Variants in IL18R1 observed in about 807,000 individuals in gnomAD.
IL18R1 encodes the protein interleukin-18 receptor 1.
In IL18R1, 40 loss-of-function variants were observed where a neutral mutation model predicts 48.5. That is an observed-to-expected ratio of 0.82 (90% CI 0.64 to 1.07). The LOEUF is 1.07. Ranked by LOEUF, IL18R1 falls within the 50% of genes least tolerant of loss-of-function variation. IL18R1 has a pLI of 0.00. For synonymous variants in IL18R1, 232 were observed against 225.9 expected, an observed-to-expected ratio of 1.03 and a Z score of -0.24; for missense variants, 596 against 633.7, an observed-to-expected ratio of 0.94 and a Z score of 0.64.
chr2:102,390,036 T>A lies in IL18R1; in HGVS notation c.950-20T>A. The A allele has an allele frequency of 6.2e-7, 1 of 1,610,498 alleles. No homozygotes were observed. The highest frequency in any genetic ancestry group is 8.5e-7 in the Non-Finnish European group (1 of 1,177,456). ...AGATTTCTTGATTATTTTCTTTTCCTTTTTCCCTTTCTTTTCTAGCAGACA... is the reference window on the plus strand; with the variant it reads ...AGATTTCTTGATTATTTTCTTTTCCATTTTCCCTTTCTTTTCTAGCAGACA... On this transcript the variant is annotated intron_variant, in intron 8 of 10. Transcript: ENST00000233957.
chr2:102,372,353 C>T (rs1193919567), intron 4 of IL18R1, among the ~76,000 whole-genome samples: 1 of 152,206 alleles, frequency 6.6e-6, no homozygotes, highest in Non-Finnish European at 1.5e-5. Context: ...TAAATGATCA[C>T]AGTTTCTTCT....
intron 7 of IL18R1, among the ~76,000 whole-genome samples, chr2:102,386,267 G>C (rs1406200986): frequency 6.6e-6 from 1 of 152,190 alleles, no homozygotes; most frequent in Non-Finnish European, 1.5e-5. Flanking sequence ...TCAACCACAG[G>C]ACAACTTGAA....
intron 8 of IL18R1, 75 bp downstream of exon 8, chr2:102,387,075 T>C (rs1680275463): frequency 1.4e-6 from 2 of 1,475,088 alleles, no homozygotes; most frequent in African/African-American, 1.4e-5. Context: ...GATGGCCACT[T>C]TCTCATTTTC....
chr2:102,357,179 C>T (rs535303067), intron 1 of IL18R1, among the ~76,000 whole-genome samples: 1 of 152,168 alleles, frequency 6.6e-6, no homozygotes, highest in South Asian at 2.1e-4. Flanking sequence ...AAATATACAT[C>T]CAAAGGCTGA....
chr2:102,380,292 G>A (rs1459404615), intron 5 of IL18R1, among the ~76,000 whole-genome samples: 1 of 152,320 alleles, frequency 6.6e-6, no homozygotes, highest in Non-Finnish European at 1.5e-5. Flanking sequence ...TTGAGTGTTA[G>A]TAGACAGCAT....
rs1680934212 is a variant in IL18R1, at chr2:102,398,540, CAT to C, written c.*1657_*1658del. 2.0e-5 allele frequency: 3 copies of C among 152,174 alleles called. No homozygotes were observed. The allele number at this position is 152,174 out of a possible 1,614,324, so 9.4% of individuals were successfully genotyped here. ...GAGTAAAATAATTTAATTAATAGCTCATATTTTATGTGTGAAAACATGTTAGT... is the reference window on the plus strand; with the variant it reads ...GAGTAAAATAATTTAATTAATAGCTCATTTTATGTGTGAAAACATGTTAGT... On this transcript the variant is annotated 3_prime_UTR_variant, in exon 11 of 11. Coordinates refer to ENST00000233957, the MANE Select transcript of IL18R1 (RefSeq NM_003855.5).
chr2:102,356,386 G>C lies in IL18R1; in HGVS notation c.-43G>C, dbSNP rs1426641907. 9.1e-6 allele frequency: 9 copies of C among 984,664 alleles called. No individual in the cohort carries two copies. The highest frequency in any genetic ancestry group is 1.2e-4 in the Admixed American group (2 of 16,254). The allele number at this position is 984,664 out of a possible 1,614,324, so 61.0% of individuals were successfully genotyped here. ...CTGCCGCCCCCGCCCCAGCCTCGGG[G>C]ACGCCTCTCTGAAGGTAAGGGTGGG... is the stretch of plus-strand genomic sequence containing the variant. On this transcript the variant is annotated 5_prime_UTR_variant, in exon 1 of 11. Transcript: ENST00000233957.
chr2:102,357,016 A>G (rs2105015228), intron 1 of IL18R1, among the ~76,000 whole-genome samples: 1 of 152,326 alleles, frequency 6.6e-6, no homozygotes, highest in Admixed American at 6.5e-5. Flanking sequence ...TTCATTCTCA[A>G]GACCCTTTGC....
intron 1 of IL18R1, among the ~76,000 whole-genome samples, chr2:102,361,940 A>G (rs11465567): frequency 0.096 from 14,603 of 152,122 alleles, 762 homozygotes; most frequent in Middle Eastern, 0.31. Context: ...AGTGTAGGAG[A>G]CTGTCACTTC....
intron 3 of IL18R1, among the ~76,000 whole-genome samples, chr2:102,370,554 C>T (rs1046422374): frequency 9.2e-5 from 14 of 152,230 alleles, no homozygotes; most frequent in East Asian, 3.8e-4. Context: ...TCTCCAGTCA[C>T]GGCCAATCTT....
At position 102,397,871 on chromosome 2, in the gene IL18R1, G is replaced by A. The variant is rs1448945618; in HGVS notation, c.*985G>A. The A allele has an allele frequency of 1.3e-5, 2 of 152,156 alleles. No individual in the cohort carries two copies. The highest frequency in any genetic ancestry group is 4.8e-5 in the African/African-American group (2 of 41,396). The allele number at this position is 152,156 out of a possible 1,614,324, so 9.4% of individuals were successfully genotyped here. A position where few individuals can be genotyped will look rare whatever the true frequency, so the allele number is the denominator to read the frequency against. The stretch of plus-strand genomic sequence containing the variant: ...CTCTGGAACCTTATCCAACCTCTTG[G>A]TGCTTCAGTTTCCTCATCTGTGAAA... On this transcript the variant is annotated 3_prime_UTR_variant, in exon 11 of 11. Transcript: ENST00000233957.
intron 1 of IL18R1, among the ~76,000 whole-genome samples, chr2:102,359,530 A>C (rs954654204): frequency 2.0e-5 from 3 of 152,250 alleles, no homozygotes; most frequent in African/African-American, 7.2e-5. Context: ...CATAAACATG[A>C]AAATAAAATG....
In IL18R1 at chr2:102,356,260, C is replaced by T. The variant is rs1378492977; in HGVS notation, c.-169C>T. 4.0e-6 allele frequency: 3 copies of T among 750,450 alleles called. No individual in the cohort carries two copies. Among genetic ancestry groups the T allele is most frequent in the Non-Finnish European group, 4.9e-6 (3 of 616,284 alleles). The allele number at this position is 750,450 out of a possible 1,614,324, so 46.5% of individuals were successfully genotyped here. On this transcript the variant is annotated 5_prime_UTR_variant, in exon 1 of 11. Coordinates refer to ENST00000233957, the MANE Select transcript of IL18R1 (RefSeq NM_003855.5). ...GGGTGCCTTATCTCTTTAATCACAC[C>T]TCTCTTTCACTTTCCACGGTAGTCA...
intron 5 of IL18R1, among the ~76,000 whole-genome samples, chr2:102,378,850 A>T (rs1679749930): frequency 6.6e-6 from 1 of 152,242 alleles, no homozygotes; most frequent in Admixed American, 6.5e-5. Flanking sequence ...GATTTGGCAA[A>T]GTTTGCCACG....
intron 10 of IL18R1, among the ~76,000 whole-genome samples, chr2:102,395,313 T>C (rs1680760720): frequency 6.6e-6 from 1 of 152,006 alleles, no homozygotes; most frequent in Admixed American, 6.5e-5. Flanking sequence ...ATTTAAAATC[T>C]GGTGTCAAAT....
chr2:102,368,139 A>G (rs1346073607), intron 3 of IL18R1, 71 bp downstream of exon 3: 2 of 1,544,460 alleles, frequency 1.3e-6, no homozygotes. Context: ...TCAAATATGC[A>G]GTAATCTGAA....
chr2:102,377,372 G>A (rs778817244), intron 5 of IL18R1, among the ~76,000 whole-genome samples: 7 of 152,098 alleles, frequency 4.6e-5, no homozygotes, highest in Non-Finnish European at 2.9e-5. Context: ...CAGTGCAGTG[G>A]CGCAGCCTTG....
intron 7 of IL18R1, among the ~76,000 whole-genome samples, chr2:102,385,280 C>T (rs933513732): frequency 5.9e-5 from 9 of 152,028 alleles, no homozygotes; most frequent in African/African-American, 1.7e-4. Context: ...AGTCAGGATC[C>T]GATGGGGATG....
intron 6 of IL18R1, among the ~76,000 whole-genome samples, chr2:102,382,304 T>C (rs1679966751): frequency 6.6e-6 from 1 of 152,016 alleles, no homozygotes; most frequent in Admixed American, 6.6e-5. Flanking sequence ...ATAATAAATT[T>C]AAAAATTCCG....
Sources: gnomAD v4.1 joint callset for allele counts (sites outside exome capture counted in the v4.1 genomes callset) on GRCh38, gnomAD v4.1.1 for gene constraint, MANE v1.5 for transcripts, NCBI Gene and HGNC (gene_info 2026-07-23, HGNC 2026-07-21) for gene names.